Variants in LRRC4B observed in about 807,000 individuals in gnomAD.
LRRC4B encodes leucine-rich repeat-containing protein 4B.
A neutral mutation model predicts 7.3 loss-of-function variants in LRRC4B; 1 was observed. That is an observed-to-expected ratio of 0.14 (90% CI 0.05 to 0.65). The LOEUF is 0.65. Ranked by LOEUF, LRRC4B falls within the 30% of genes least tolerant of loss-of-function variation. The pLI is 0.84. For missense variants in LRRC4B, 730 were observed against 1,041.6 expected, an observed-to-expected ratio of 0.70 and a Z score of 4.12; for synonymous variants, 500 against 499.2, an observed-to-expected ratio of 1.00 and a Z score of -0.02.
In LRRC4B at chr19:50,521,271, T is replaced by C. The variant is rs552654975; in HGVS notation, c.298-1856A>G. 4.6e-5 allele frequency among the ~76,000 whole-genome samples: 7 copies of C among 152,142 alleles called. No homozygotes were observed. In the East Asian group the frequency reaches 9.7e-4, roughly 21 times the overall value. Reference sequence around the variant, plus strand: ...TCTCTGCGTGTGTGGGCAGGTGAGGTATCTGGGGCAGACAGGGAAGGGCAT... The same window carrying C: ...TCTCTGCGTGTGTGGGCAGGTGAGGCATCTGGGGCAGACAGGGAAGGGCAT... On this transcript the variant is annotated intron_variant, in intron 2 of 2. Coordinates refer to ENST00000652263, the MANE Select transcript of LRRC4B (RefSeq NM_001080457.2).
At chr19:50,559,080 C>T (rs1982379340) in intron 1 of LRRC4B, among the ~76,000 whole-genome samples, 1 of 151,850 alleles carries the variant, frequency 6.6e-6, no homozygotes, top group Non-Finnish European at 1.5e-5. Context: ...CATGGATAGC[C>T]AGATTTGGGT....
At position 50,522,459 on chromosome 19, in the gene LRRC4B, A is replaced by ATTTATTATTTATTTAT. The variant is rs1491583815; in HGVS notation, c.298-3045_298-3044insATAAATAAATAATAAA. On this transcript the variant is annotated intron_variant, in intron 2 of 2. Coordinates refer to ENST00000652263, the MANE Select transcript of LRRC4B (RefSeq NM_001080457.2). ...GAACTCATGTGAAGCTATTTTATTT[A>ATTTATTATTTATTTAT]TTATTTATTTATTTATTTATTTATT... 1.4e-3 allele frequency among the ~76,000 whole-genome samples: 212 copies of ATTTATTATTTATTTAT among 147,182 alleles called. 1 individual carries two copies. The highest frequency in any genetic ancestry group is 5.0e-3 in the African/African-American group (200 of 40,096).
intron 1 of LRRC4B, among the ~76,000 whole-genome samples, chr19:50,554,668 C>T (rs930728285): frequency 1.3e-5 from 2 of 152,212 alleles, no homozygotes; most frequent in African/African-American, 4.8e-5. Flanking sequence ...AAGGTGGTAA[C>T]GTCCAACACA....
At chr19:50,564,478 G>C (rs1007190249) in intron 1 of LRRC4B, among the ~76,000 whole-genome samples, 2 of 151,990 alleles carry the variant, frequency 1.3e-5, no homozygotes, top group African/African-American at 2.4e-5. Flanking sequence ...ACAGAGAGCG[G>C]TGTCGAGCAG....
At chr19:50,564,132 G>A (rs150568510) in intron 1 of LRRC4B, among the ~76,000 whole-genome samples, 190 of 152,286 alleles carry the variant, frequency 1.2e-3, no homozygotes, top group African/African-American at 4.3e-3. Flanking sequence ...AGATGATCCC[G>A]ATGCTGGTTA....
intron 1 of LRRC4B, among the ~76,000 whole-genome samples, chr19:50,566,583 G>A (rs1485283022): frequency 6.6e-6 from 1 of 150,972 alleles, no homozygotes; most frequent in African/African-American, 2.4e-5. Context: ...AAGGGGTGGA[G>A]GGGTGGGCAA....
chr19:50,534,654 G>A lies in LRRC4B; in HGVS notation c.297+13888C>T, dbSNP rs539811637. Among the ~76,000 whole-genome samples the A allele has an allele frequency of 1.5e-4, 23 of 152,248 alleles. No homozygotes were observed. In the East Asian group the frequency reaches 1.5e-3, roughly 10 times the overall value. On this transcript the variant is annotated intron_variant, in intron 2 of 2. Transcript: ENST00000652263. ...CCATCAATGACTGCCTTCTAACCCC[G>A]ATGGGGACTTTCCTTTTATCCTGCA...
chr19:50,559,339 A>G (rs1194053713), intron 1 of LRRC4B, among the ~76,000 whole-genome samples: 1 of 152,058 alleles, frequency 6.6e-6, no homozygotes, highest in East Asian at 1.9e-4. Flanking sequence ...GAGGCTGAGA[A>G]AGGGGAATTA....
Position 50,518,097 on chromosome 19 carries a change from G to A in LRRC4B, c.1616C>T (p.Thr539Met), listed in dbSNP as rs747588638. 5.0e-6 allele frequency: 8 copies of A among 1,596,496 alleles called. No homozygotes were observed. Among genetic ancestry groups the A allele is most frequent in the Non-Finnish European group, 6.8e-6 (8 of 1,174,500 alleles). The part of the protein sequence containing the change: ...DAAGPASSST[T>M]APAPRSSRPT... ...CCGCGAGGAGCGCGGGGCGGGTGCCGTGGTAGAAGACGAGGCAGGGCCGGC... is the reference window on the plus strand; with the variant it reads ...CCGCGAGGAGCGCGGGGCGGGTGCCATGGTAGAAGACGAGGCAGGGCCGGC... The change falls in exon 3 of 3, where the codon ACG (threonine) becomes ATG (methionine). Residue 539 changes from threonine to methionine, a missense_variant. Thr to Met is a moderately conservative substitution (Grantham distance 81). Around this residue, in one of 6 missense-constraint regions of LRRC4B, gnomAD observed 192 missense variants for 228.6 expected, o/e 0.84. Transcript: ENST00000652263.
rs1421281690 is a variant in LRRC4B at position 50,556,243 on chromosome 19, T to C, written c.-35-7370A>G. Among the ~76,000 whole-genome samples, 6 of 138,754 alleles carry C rather than the reference T, an allele frequency of 4.3e-5. No individual in the cohort carries two copies. In the East Asian group the frequency reaches 1.3e-3, roughly 30 times the overall value. 91.0% of individuals were successfully genotyped at this position (138,754 alleles called of 152,430 possible). On this transcript the variant is annotated intron_variant, in intron 1 of 2. Coordinates refer to ENST00000652263, the MANE Select transcript of LRRC4B (RefSeq NM_001080457.2). This position sits in a 1 kb window ranked among gnomAD's most constrained non-coding sequence, Gnocchi z 4.2. ...GGCAGCAGGACCAACAGGCGGCCCG[T>C]GCAGTGGGGGTGCAGTCGGGGTGGG... is the stretch of plus-strand genomic sequence containing the variant.
chr19:50,519,371 A>T lies in LRRC4B; in HGVS notation c.342T>A (p.Ile114=), dbSNP rs751085977. 1 of 1,608,908 alleles carries T rather than the reference A, an allele frequency of 6.2e-7. No homozygotes were observed. The highest frequency in any genetic ancestry group is 8.5e-7 in the Non-Finnish European group (1 of 1,179,366). Residue 114 remains isoleucine (I), a synonymous_variant, in exon 3 of 3, where the codon ATT becomes ATA. Transcript: ENST00000652263. The surrounding 1 kb of genome is among the most constrained non-coding windows in gnomAD (Gnocchi z 8.1). The stretch of plus-strand genomic sequence containing the variant: ...GCACCAGGTTCTTGCTCAGCTGCAG[A>T]ATCTCCAGGTGCCGCAGGTGCTTGA... The part of the protein sequence containing the change: ...DTFKHLRHLE[I]LQLSKNLVRK...
chr19:50,565,381 C>G (rs1352118221), intron 1 of LRRC4B, among the ~76,000 whole-genome samples: 1 of 152,210 alleles, frequency 6.6e-6, no homozygotes, highest in African/African-American at 2.4e-5. Flanking sequence ...GTGTGTGTCT[C>G]TGTGTGACAC....
chr19:50,523,986 C>G (rs1980695818), intron 2 of LRRC4B, among the ~76,000 whole-genome samples: 1 of 151,324 alleles, frequency 6.6e-6, no homozygotes, highest in Non-Finnish European at 1.5e-5. Context: ...GAAGGACATA[C>G]TCCAAGCTTT....
At chr19:50,539,081 T>C (rs1389109868) in intron 2 of LRRC4B, among the ~76,000 whole-genome samples, 1 of 151,770 alleles carries the variant, frequency 6.6e-6, no homozygotes, top group Non-Finnish European at 1.5e-5. Context: ...GGTTTCACCA[T>C]GTTGGCCAGG....
chr19:50,564,515 G>A (rs1982563933), intron 1 of LRRC4B, among the ~76,000 whole-genome samples: 1 of 152,000 alleles, frequency 6.6e-6, no homozygotes, highest in Non-Finnish European at 1.5e-5. Context: ...AGGTTTCACA[G>A]CAGATGGGGT....
chr19:50,541,385 G>GAA (rs1366929653), intron 2 of LRRC4B, among the ~76,000 whole-genome samples: 5 of 93,806 alleles, frequency 5.3e-5, no homozygotes, highest in Non-Finnish European at 1.1e-4. Context: ...AAAAAAAAAA[G>GAA]AAAAAGAAAA....
At chr19:50,541,662 C>A (rs1290062812) in intron 2 of LRRC4B, among the ~76,000 whole-genome samples, 1 of 152,170 alleles carries the variant, frequency 6.6e-6, no homozygotes, top group East Asian at 1.9e-4. Flanking sequence ...TGCCATACAA[C>A]CTCATAGCCG....
chr19:50,532,656 T>G (rs904283407), intron 2 of LRRC4B, among the ~76,000 whole-genome samples: 6 of 152,230 alleles, frequency 3.9e-5, no homozygotes, highest in African/African-American at 1.4e-4. Flanking sequence ...CACTCTCTTA[T>G]TAGATCCCTA....
chr19:50,548,693 C>A lies in LRRC4B; in HGVS notation c.146G>T (p.Gly49Val). Residue 49 changes from glycine (G) to valine (V), a missense_variant, in exon 2 of 3, where the codon GGG becomes GTG. By Grantham distance (109) the Gly-to-Val change is moderately radical. Around this residue, in one of 6 missense-constraint regions of LRRC4B, gnomAD observed 143 missense variants for 158.4 expected, o/e 0.90. Coordinates refer to ENST00000652263, the MANE Select transcript of LRRC4B (RefSeq NM_001080457.2). This position sits in a 1 kb window ranked among gnomAD's most constrained non-coding sequence, Gnocchi z 6.8. ...GCAGGAGGTGGCCGGCGGGGAGCCC[C>A]CTCCGGCGGCAGACGTCACGGCCAC... is the stretch of plus-strand genomic sequence containing the variant. ...GGVAVTSAAG[G>V]GSPPATSCPV... 1 of 1,547,286 alleles carries A rather than the reference C, an allele frequency of 6.5e-7. No individual in the cohort carries two copies. The highest frequency in any genetic ancestry group is 2.4e-5 in the East Asian group (1 of 41,452).
Sources: gnomAD v4.1 joint callset for allele counts (sites outside exome capture counted in the v4.1 genomes callset) on GRCh38, gnomAD v4.1.1 for gene constraint, gnomAD v4.1.1 regional missense constraint, Gnocchi (gnomAD v3.1) non-coding constraint, MANE v1.5 for transcripts, NCBI Gene and HGNC (gene_info 2026-07-23, HGNC 2026-07-21) for gene names.